ELAC2: variants seen among roughly 807,000 people sequenced by gnomAD.
ELAC2 encodes the protein zinc phosphodiesterase ELAC protein 2.
In ELAC2, 92 loss-of-function variants were observed where a neutral mutation model predicts 105.2. The observed-to-expected ratio is 0.87, with a 90% CI of 0.74 to 1.04. The LOEUF is 1.04. ELAC2 is among the 50% of genes least tolerant of loss of function. The pLI is 0.00. For synonymous variants in ELAC2, 468 were observed against 409.1 expected (o/e 1.14, Z -1.74); for missense variants, 1,099 against 1,071.7 (o/e 1.03, Z -0.36).
At chr17:13,009,733 G>A (rs762535821) in intron 8 of ELAC2, among the ~76,000 whole-genome samples, 2 of 152,222 alleles carry the variant, frequency 1.3e-5, no homozygotes, top group African/African-American at 2.4e-5. Context: ...CTTCACGCCT[G>A]TAATCCCAGC....
intron 8 of ELAC2, among the ~76,000 whole-genome samples, chr17:13,009,626 A>G (rs1469691981): frequency 6.6e-6 from 1 of 152,234 alleles, no homozygotes; most frequent in Admixed American, 6.5e-5. Flanking sequence ...GGCCTGATGG[A>G]GTTGAAGGAA....
At chr17:13,016,086 T>G (rs1218348612) in intron 3 of ELAC2, among the ~76,000 whole-genome samples, 1 of 152,170 alleles carries the variant, frequency 6.6e-6, no homozygotes, top group African/African-American at 2.4e-5. Context: ...GTGCAAAATG[T>G]AAGGAATCAT....
In ELAC2 at chr17:12,994,522, G is replaced by C. The variant is rs1214456936; in HGVS notation, c.2030-19C>G. 1 of 1,614,078 alleles carries C rather than the reference G, an allele frequency of 6.2e-7. No individual in the cohort carries two copies. The highest frequency in any genetic ancestry group is 1.1e-5 in the South Asian group (1 of 91,080). On this transcript the variant is annotated intron_variant, in intron 21 of 23. Transcript: ENST00000338034. ...TCTTTCCCTGGAGAAGCAGCACAAG[G>C]ATCAGGGCAGAGTTCTCTGCGAGAG...
rs80068662 is a variant in ELAC2 at position 12,995,474 on chromosome 17, A to G, written c.1808+229T>C. Among the ~76,000 whole-genome samples, 13,322 of 152,292 alleles carry G rather than the reference A, an allele frequency of 0.087. 793 individuals carry two copies. The highest frequency in any genetic ancestry group is 0.2 in the Middle Eastern group (58 of 294). ...AGTTTAGAAAGCAGCTCAGAACTCA[A>G]ATGAGGACTGGGAAGAAATGCTTCT... On this transcript the variant is annotated intron_variant, in intron 19 of 23. Transcript: ENST00000338034.
At position 13,003,542 on chromosome 17, in the gene ELAC2, A is replaced by G; in HGVS notation, c.1016T>C (p.Leu339Ser). The G allele has an allele frequency of 6.2e-7, 1 of 1,614,184 alleles. No individual in the cohort carries two copies. Among genetic ancestry groups the G allele is most frequent in the Non-Finnish European group, 8.5e-7 (1 of 1,180,038 alleles). Residue 339 changes from leucine to serine, a missense_variant, in exon 12 of 24, where the codon TTG (leucine) becomes TCG (serine). Leu to Ser is a moderately radical substitution (Grantham distance 145). Transcript: ENST00000338034. The part of the protein sequence containing the change: ...YQGKADAPVA[L>S]VVHMAPASVL... ...AGATGCTGGGGCCATGTGAACCACC[A>G]AGGCCACGGGGGCATCTGCCTTTCC... is the stretch of plus-strand genomic sequence containing the variant.
At chr17:13,011,917 A>G in intron 6 of ELAC2, 135 bp from the exon 7 acceptor site, 1 of 1,390,704 alleles carries the variant, frequency 7.2e-7, no homozygotes, top group African/African-American at 1.4e-5. Context: ...GGAAATAACT[A>G]GTTAGTTAAC....
At chr17:13,015,083 G>C (rs1205438639) in intron 4 of ELAC2, among the ~76,000 whole-genome samples, 2 of 152,210 alleles carry the variant, frequency 1.3e-5, no homozygotes, top group African/African-American at 4.8e-5. Context: ...TTGCAATGGG[G>C]AGCCCATGAA....
At position 13,003,507 on chromosome 17, in the gene ELAC2, C is replaced by A; in HGVS notation, c.1051G>T (p.Asp351Tyr). 3 of 1,614,192 alleles carry A rather than the reference C, an allele frequency of 1.9e-6. No homozygotes were observed. The highest frequency in any genetic ancestry group is 1.7e-6 in the Non-Finnish European group (2 of 1,180,032). ...VHMAPASVLV[D>Y]SRYQQWMERF... ...TCCATCCACTGCTGGTACCTGCTGTCCACAAGCACAGATGCTGGGGCCATG... is the reference window on the plus strand; with the variant it reads ...TCCATCCACTGCTGGTACCTGCTGTACACAAGCACAGATGCTGGGGCCATG... The change falls in exon 12 of 24, where the codon GAC becomes TAC. Residue 351 changes from aspartate (D) to tyrosine (Y), a missense_variant. Transcript: ENST00000338034.
chr17:13,015,752 G>A lies in ELAC2; in HGVS notation c.432+16C>T. 2.5e-6 allele frequency: 4 copies of A among 1,608,566 alleles called. No individual in the cohort carries two copies. The highest frequency in any genetic ancestry group is 1.1e-5 in the South Asian group (1 of 90,980). On this transcript the variant is annotated intron_variant, in intron 4 of 23. Transcript: ENST00000338034. The stretch of plus-strand genomic sequence containing the variant: ...AGGAAAGATTGCTTTTGAAAGATGT[G>A]TCAGGAAAGACTCACCAGTTGTGGA...
intron 1 of ELAC2, 54 bp downstream of exon 1, chr17:13,017,649 G>A: frequency 1.2e-6 from 2 of 1,612,080 alleles, no homozygotes; most frequent in Non-Finnish European, 1.7e-6. Context: ...CCGATGCTCA[G>A]AGGCTGCGCC....
At chr17:13,011,267 C>T (rs8071726) in intron 7 of ELAC2, among the ~76,000 whole-genome samples, 47,775 of 152,126 alleles carry the variant, frequency 0.31, 7,606 homozygotes, top group South Asian at 0.36. Flanking sequence ...TTCTGGAAGA[C>T]GTGCAGAGCC....
Position 13,002,579 on chromosome 17 carries a change from C to T in ELAC2, c.1080G>A (p.Arg360=), listed in dbSNP as rs1351903979. 1.9e-6 allele frequency: 3 copies of T among 1,598,830 alleles called. No homozygotes were observed. The Admixed American group carries it at 5.1e-5, about 27-fold the overall frequency. ...CCAAGTGCTGGGTGTCAGGCCCAAA[C>T]CTGTGAAGAAACAGACCCGGCATTT... ...VDSRYQQWME[R]FGPDTQHLVL... The change falls in exon 13 of 24, where the codon AGG becomes AGA. Residue 360 remains arginine, a splice_region_variant and synonymous_variant. Coordinates refer to ENST00000338034, the MANE Select transcript of ELAC2 (RefSeq NM_018127.7).
intron 11 of ELAC2, 135 bp from the exon 12 acceptor site, chr17:13,003,709 A>T: frequency 1.3e-6 from 1 of 747,400 alleles, no homozygotes; most frequent in Non-Finnish European, 2.3e-6. Context: ...CGCCCAGGCC[A>T]TGCTCTCACA....
chr17:12,998,379 G>GC, intron 16 of ELAC2, 33 bp downstream of exon 16: 1 of 1,598,090 alleles, frequency 6.3e-7, no homozygotes, highest in Non-Finnish European at 8.6e-7. Context: ...ACGTGCCCTT[G>GC]ATGGAAGGAT....
In ELAC2 at chr17:13,005,980, C is replaced by G. The variant is rs1439613403; in HGVS notation, c.739-1G>C. 1 of 1,614,062 alleles carries G rather than the reference C, an allele frequency of 6.2e-7. No homozygotes were observed. The highest frequency in any genetic ancestry group is 1.7e-5 in the Admixed American group (1 of 60,024). On this transcript the variant is annotated splice_acceptor_variant, in intron 8 of 23. Transcript: ENST00000338034. LOFTEE classifies it high-confidence loss of function. ...AGAAGTTTCCTCTCTTTAAGTGAAGCTGCAACAAAGAGAACATAGATGTGA... is the reference window on the plus strand; with the variant it reads ...AGAAGTTTCCTCTCTTTAAGTGAAGGTGCAACAAAGAGAACATAGATGTGA...
intron 8 of ELAC2, among the ~76,000 whole-genome samples, chr17:13,008,497 C>G (rs1271079003): frequency 1.3e-5 from 2 of 151,340 alleles, no homozygotes; most frequent in South Asian, 2.1e-4. Flanking sequence ...GGTGACAGAG[C>G]GAGACTCTGT....
chr17:13,000,561 T>C, intron 14 of ELAC2: 2 of 436,840 alleles, frequency 4.6e-6, no homozygotes, highest in South Asian at 4.1e-5. Context: ...CCCTGACCTC[T>C]ACCCACTAGC....
In ELAC2 at chr17:13,005,733, A is replaced by T. The variant is rs1438511458; in HGVS notation, c.870+20T>A. On this transcript the variant is annotated intron_variant, in intron 10 of 23. Transcript: ENST00000338034. ...AGACCCTACCTGTAACTGCTGAATC[A>T]AGAAAACCAGGCATCTCACCTCTCT... 1 of 1,613,732 alleles carries T rather than the reference A, an allele frequency of 6.2e-7. No homozygotes were observed. The highest frequency in any genetic ancestry group is 2.2e-5 in the East Asian group (1 of 44,882).
intron 18 of ELAC2, 50 bp downstream of exon 18, chr17:12,995,887 GGAT>G (rs531643962): frequency 6.3e-4 from 1,002 of 1,584,858 alleles, no homozygotes; most frequent in Non-Finnish European, 8.0e-4. Context: ...GAGGCATGGC[GGAT>G]GATGTGTAAA....
Sources: gnomAD v4.1 joint callset for allele counts (sites outside exome capture counted in the v4.1 genomes callset) on GRCh38, gnomAD v4.1.1 for gene constraint, MANE v1.5 for transcripts, NCBI Gene and HGNC (gene_info 2026-07-23, HGNC 2026-07-21) for gene names.